The following USP10 variants were observed in gnomAD, a reference collection of about 807,000 sequenced individuals.
The protein encoded by USP10 is ubiquitin carboxyl-terminal hydrolase 10.
A neutral mutation model predicts 84.5 loss-of-function variants in USP10; 22 were observed. The ratio of observed to expected loss-of-function variants is 0.26; its 90% CI spans 0.19 to 0.37. USP10 has a LOEUF of 0.37. Among genes scored for constraint, USP10 ranks in the 10% least tolerant of loss-of-function variants. The probability of loss-of-function intolerance (pLI) is 1.00; values close to 1 mark genes in which losing one functional copy is unlikely to be tolerated. For missense variants in USP10, 1,019 were observed against 998.9 expected, an observed-to-expected ratio of 1.02 and a Z score of -0.27; for synonymous variants, 454 against 387.6, an observed-to-expected ratio of 1.17 and a Z score of -2.01.
At chr16:84,775,971 A>G (rs1025049385) in intron 13 of USP10, among the ~76,000 whole-genome samples, 1 of 151,900 alleles carries the variant, frequency 6.6e-6, no homozygotes, top group Non-Finnish European at 1.5e-5. Context: ...TTTTTACTAC[A>G]TGTTTCTAGC....
chr16:84,742,882 A>G (rs1272721611), intron 3 of USP10, among the ~76,000 whole-genome samples: 1 of 152,232 alleles, frequency 6.6e-6, no homozygotes, highest in African/African-American at 2.4e-5. Context: ...AGAATGTTTT[A>G]TGTTCTGATA....
In USP10 at chr16:84,732,434, T is replaced by A. The variant is rs569746713; in HGVS notation, c.22-1001T>A. 624 of 333,254 alleles carry A rather than the reference T, an allele frequency of 1.9e-3. 1 individual carries two copies. Among genetic ancestry groups the A allele is most frequent in the Non-Finnish European group, 3.1e-3 (536 of 172,132 alleles). The allele number at this position is 333,254 out of a possible 1,614,324, so 20.6% of individuals were successfully genotyped here. On this transcript the variant is annotated intron_variant, in intron 1 of 13. Transcript: ENST00000219473. ...AAATTGCTAATTCTTCTCAATGACT[T>A]CTTCTTCTTCTTTTTTTTTTTTTTC...
chr16:84,714,788 T>C (rs1175762811), intron 1 of USP10, among the ~76,000 whole-genome samples: 3 of 151,940 alleles, frequency 2.0e-5, no homozygotes, highest in Admixed American at 6.6e-5. Context: ...GAGAGAGATA[T>C]TTTGCTAAGG....
chr16:84,770,098 C>T (rs1227992111), intron 11 of USP10, among the ~76,000 whole-genome samples: 1 of 152,052 alleles, frequency 6.6e-6, no homozygotes, highest in Non-Finnish European at 1.5e-5. Flanking sequence ...GATAGTGAAA[C>T]CGTGTCTCTA....
chr16:84,761,707 A>G (rs1416807221), intron 8 of USP10, among the ~76,000 whole-genome samples: 1 of 152,262 alleles, frequency 6.6e-6, no homozygotes, highest in African/African-American at 2.4e-5. Context: ...AACAAAAGCA[A>G]AGTGTTCAGC....
chr16:84,767,349 T>TTTTC (rs1209062933), intron 10 of USP10, among the ~76,000 whole-genome samples: 4 of 151,336 alleles, frequency 2.6e-5, no homozygotes, highest in Non-Finnish European at 4.4e-5. Context: ...AAAAAAAAAA[T>TTTTC]GAAATGAAAA....
intron 4 of USP10, among the ~76,000 whole-genome samples, chr16:84,757,597 T>C (rs1389672927): frequency 6.6e-6 from 1 of 152,242 alleles, no homozygotes; most frequent in African/African-American, 2.4e-5. Flanking sequence ...TTGGTTTTTC[T>C]TTCCTATATA....
intron 1 of USP10, among the ~76,000 whole-genome samples, chr16:84,726,890 C>T (rs1908561499): frequency 6.6e-6 from 1 of 152,220 alleles, no homozygotes; most frequent in Non-Finnish European, 1.5e-5. Context: ...GGGAAAGGAG[C>T]GTTTGTTACT....
At chr16:84,728,107 A>G (rs1908748713) in intron 1 of USP10, among the ~76,000 whole-genome samples, 2 of 152,204 alleles carry the variant, frequency 1.3e-5, no homozygotes, top group African/African-American at 2.4e-5. Flanking sequence ...CCAAACACCT[A>G]AAATAACATT....
chr16:84,710,377 C>T (rs1906122276), intron 1 of USP10, among the ~76,000 whole-genome samples: 1 of 151,986 alleles, frequency 6.6e-6, no homozygotes, highest in South Asian at 2.1e-4. Flanking sequence ...TCCTCCATAG[C>T]TGGGACTCTA....
At chr16:84,710,741 C>G (rs934718969) in intron 1 of USP10, among the ~76,000 whole-genome samples, 8 of 152,068 alleles carry the variant, frequency 5.3e-5, no homozygotes, top group African/African-American at 1.9e-4. Flanking sequence ...TTGTGATCCT[C>G]GAGTGCCCTC....
At chr16:84,713,854 C>T (rs1906635170) in intron 1 of USP10, among the ~76,000 whole-genome samples, 1 of 152,192 alleles carries the variant, frequency 6.6e-6, no homozygotes, top group African/African-American at 2.4e-5. Context: ...CCAGCAGGGT[C>T]CCAAGAGAAG....
chr16:84,729,546 T>C (rs74428272), intron 1 of USP10, among the ~76,000 whole-genome samples: 5,783 of 152,322 alleles, frequency 0.038, 165 homozygotes, highest in South Asian at 0.068. Context: ...GAATACTCAT[T>C]GTATGGGAGA....
intron 1 of USP10, among the ~76,000 whole-genome samples, chr16:84,727,452 CTT>C (rs1567605213): frequency 6.9e-6 from 1 of 145,120 alleles, no homozygotes; most frequent in African/African-American, 2.5e-5. Flanking sequence ...TCAGTGTTAG[CTT>C]TAAAAAAACA....
At chr16:84,748,770 T>C (rs1461312313) in intron 4 of USP10, among the ~76,000 whole-genome samples, 1 of 152,212 alleles carries the variant, frequency 6.6e-6, no homozygotes, top group East Asian at 1.9e-4. Flanking sequence ...ATAAATAGTT[T>C]GTTATGTTCT....
chr16:84,744,771 C>A lies in USP10; in HGVS notation c.290C>A (p.Ser97Tyr), dbSNP rs1911008025. 1 of 1,613,582 alleles carries A rather than the reference C, an allele frequency of 6.2e-7. No homozygotes were observed. The highest frequency in any genetic ancestry group is 1.7e-5 in the Admixed American group (1 of 59,976). The change falls in exon 4 of 14, where the codon TCC (serine) becomes TAC (tyrosine). Residue 97 changes from serine to tyrosine, a missense_variant. Around this residue, in one of 2 missense-constraint regions of USP10, gnomAD observed 787 missense variants for 708.8 expected, o/e 1.11. Transcript: ENST00000219473. Reference protein sequence around the residue: ...APEFILGCTASKITPDGITKE... With the variant: ...APEFILGCTAYKITPDGITKE... ...GAATTTATTCTCGGTTGTACAGCTTCCAAAATAACCCCTGATGGTATCACT... is the reference window on the plus strand; with the variant it reads ...GAATTTATTCTCGGTTGTACAGCTTACAAAATAACCCCTGATGGTATCACT...
chr16:84,764,364 G>A (rs568663357), intron 10 of USP10, 101 bp downstream of exon 10: 58 of 1,478,126 alleles, frequency 3.9e-5, no homozygotes, highest in African/African-American at 2.4e-4. Context: ...CTTCTTGGAC[G>A]TAATGGTTTG....
chr16:84,725,602 A>C (rs896173072), intron 1 of USP10, among the ~76,000 whole-genome samples: 3 of 151,874 alleles, frequency 2.0e-5, no homozygotes, highest in Admixed American at 6.6e-5. Context: ...ACAGGGTTTC[A>C]CCATGTTGGC....
chr16:84,700,052 C>A lies in USP10; in HGVS notation c.-39C>A, dbSNP rs544515816. On this transcript the variant is annotated 5_prime_UTR_variant, in exon 1 of 14. Transcript: ENST00000219473. ...GCGGCGGCGGGGGAAGCAGCGTGAG[C>A]AGCCGGAGGATCGCGGAGTCCCAAT... is the stretch of plus-strand genomic sequence containing the variant. 8.8e-6 allele frequency: 12 copies of A among 1,362,150 alleles called. No individual in the cohort carries two copies. In the African/African-American group the frequency reaches 1.5e-4, roughly 18 times the overall value. The allele number at this position is 1,362,150 out of a possible 1,614,324, so 84.4% of individuals were successfully genotyped here. A position where few individuals can be genotyped will look rare whatever the true frequency, so the allele number is the denominator to read the frequency against.
Sources: allele counts gnomAD v4.1 joint callset (sites outside exome capture counted in the v4.1 genomes callset), GRCh38; gene constraint gnomAD v4.1.1; regional missense constraint gnomAD v4.1.1; transcripts MANE v1.5; gene names NCBI Gene and HGNC (gene_info 2026-07-23, HGNC 2026-07-21).